Variants in AGAP3 observed in about 807,000 individuals in gnomAD.
The protein encoded by AGAP3 is ArfGAP with GTPase domain, ankyrin repeat and PH domain 3.
AGAP3 carries 24 observed loss-of-function variants against 96.9 expected under a neutral mutation model. The ratio of observed to expected loss-of-function variants is 0.25; its 90% CI spans 0.18 to 0.35. The LOEUF is 0.35. Among genes scored for constraint, AGAP3 ranks in the 10% least tolerant of loss-of-function variants. The pLI, the probability that AGAP3 is intolerant of heterozygous loss-of-function variation, is 1.00. For missense variants in AGAP3, 876 were observed against 1,254.2 expected, an observed-to-expected ratio of 0.70 and a Z score of 4.55; for synonymous variants, 563 against 536.1, an observed-to-expected ratio of 1.05 and a Z score of -0.69.
rs77511477 is a variant in AGAP3 at position 151,100,332 on chromosome 7, G to A, written c.331+13260G>A. Among the ~76,000 whole-genome samples, 430 of 152,310 alleles carry A rather than the reference G, an allele frequency of 2.8e-3. 19 individuals are homozygous for A. The East Asian group carries it at 0.072, about 26-fold the overall frequency. ...TGGCTTCCATGCCTGGGAGAGGCTT[G>A]GTGTGAGGTGCCACCTGAGCCTGCT... is the stretch of plus-strand genomic sequence containing the variant. On this transcript the variant is annotated intron_variant, in intron 1 of 17. Transcript: ENST00000397238.
At chr7:151,101,747 C>G (rs1365770106) in intron 1 of AGAP3, among the ~76,000 whole-genome samples, 2 of 152,088 alleles carry the variant, frequency 1.3e-5, no homozygotes, top group South Asian at 4.1e-4. Context: ...CAGGATAGGC[C>G]GAACCTCCCA....
In AGAP3 at chr7:151,139,172, G is replaced by GT. The variant is rs908405601; in HGVS notation, c.1667-806dup. 2.0e-4 allele frequency among the ~76,000 whole-genome samples: 30 copies of GT among 152,310 alleles called. No homozygotes were observed. The highest frequency in any genetic ancestry group is 7.2e-4 in the African/African-American group (30 of 41,566). ...TGCCCCACTGTCACCCCAGCCATGG[G>GT]TGCTCTCCCAGCTGATTGGCTTCCC... On this transcript the variant is annotated intron_variant, in intron 12 of 17. Transcript: ENST00000397238. This position sits in a 1 kb window ranked among gnomAD's most constrained non-coding sequence, Gnocchi z 4.9.
At chr7:151,105,206 C>T (rs1053668765) in intron 1 of AGAP3, among the ~76,000 whole-genome samples, 13 of 152,280 alleles carry the variant, frequency 8.5e-5, no homozygotes, top group African/African-American at 2.6e-4. Context: ...GAGGATTTTC[C>T]TCTCCTCATT....
At chr7:151,135,320 CTGCCCTGCTGG>C (rs1800551849) in intron 11 of AGAP3, among the ~76,000 whole-genome samples, 1 of 152,218 alleles carries the variant, frequency 6.6e-6, no homozygotes, top group South Asian at 2.1e-4. Context: ...CCAGTAACAG[CTGCCCTGCTGG>C]TGCCATTCCT....
At chr7:151,106,930 C>G (rs575325216) in intron 1 of AGAP3, among the ~76,000 whole-genome samples, 25 of 152,352 alleles carry the variant, frequency 1.6e-4, no homozygotes, top group African/African-American at 5.3e-4. Context: ...CCTGCACTTT[C>G]AGCAGCTGTT....
Position 151,117,088 on chromosome 7 carries a change from C to T in AGAP3, c.391-7C>T. 6.2e-7 allele frequency: 1 copy of T among 1,613,360 alleles called. No homozygotes were observed. Among genetic ancestry groups the T allele is most frequent in the Non-Finnish European group, 8.5e-7 (1 of 1,179,494 alleles). On this transcript the variant is annotated splice_polypyrimidine_tract_variant and splice_region_variant and intron_variant, in intron 2 of 17. Transcript: ENST00000397238. ...CTCTGACCCACTCACCCCTTCCTCT[C>T]CCGCAGGGCATAGTGGGGAACCTGT... is the stretch of plus-strand genomic sequence containing the variant.
Position 151,141,470 on chromosome 7 carries a change from C to T in AGAP3, c.1805-428C>T, listed in dbSNP as rs945988707. 16 of 177,578 alleles carry T rather than the reference C, an allele frequency of 9.0e-5. No individual in the cohort carries two copies. The highest frequency in any genetic ancestry group is 5.2e-4 in the Admixed American group (9 of 17,400). 11.0% of individuals were successfully genotyped at this position (177,578 alleles called of 1,614,324 possible). A position where few individuals can be genotyped will look rare whatever the true frequency, so the allele number is the denominator to read the frequency against. On this transcript the variant is annotated intron_variant, in intron 13 of 17. Coordinates refer to ENST00000397238, the MANE Select transcript of AGAP3 (RefSeq NM_031946.7). This position sits in a 1 kb window ranked among gnomAD's most constrained non-coding sequence, Gnocchi z 4.2. The stretch of plus-strand genomic sequence containing the variant: ...GGGTTTAATGAGCTGCAAAATGAGG[C>T]GGCTGCAGCTGACATGTACGGATGG...
At chr7:151,105,636 C>T (rs1005163599) in intron 1 of AGAP3, among the ~76,000 whole-genome samples, 2 of 151,556 alleles carry the variant, frequency 1.3e-5, no homozygotes, top group African/African-American at 2.4e-5. Context: ...ATAGCTGACA[C>T]ACACCTGTGC....
chr7:151,118,438 G>T lies in AGAP3; in HGVS notation c.842-67G>T. On this transcript the variant is annotated intron_variant, in intron 6 of 17. Transcript: ENST00000397238. This position sits in a 1 kb window ranked among gnomAD's most constrained non-coding sequence, Gnocchi z 6.1. The stretch of plus-strand genomic sequence containing the variant: ...GTGAGAGCAAGGCTGTGTGTCTGGG[G>T]GGAGGTGCTAAGCCAGGCTTTTCCC... The T allele has an allele frequency of 6.2e-7, 1 of 1,601,164 alleles. No individual in the cohort carries two copies. The highest frequency in any genetic ancestry group is 8.5e-7 in the Non-Finnish European group (1 of 1,169,802).
At chr7:151,091,169 C>T (rs1010070309) in intron 1 of AGAP3, among the ~76,000 whole-genome samples, 7 of 152,172 alleles carry the variant, frequency 4.6e-5, no homozygotes, top group East Asian at 1.9e-4. Context: ...CCCTGCATTC[C>T]GCCGTGGGCC....
rs201990368 is a variant in AGAP3 at position 151,128,600 on chromosome 7, C to T, written c.1242C>T (p.Ser414=). ...PIKQGILLKR[S]GKSLNKEWKK... The stretch of plus-strand genomic sequence containing the variant: ...CTCAGGGGATCCTGCTAAAGCGGAG[C>T]GGCAAGTCCCTGAACAAGGAGTGGA... The change falls in exon 10 of 18, where the codon AGC becomes AGT. Residue 414 remains serine, a synonymous_variant. Transcript: ENST00000397238. The T allele has an allele frequency of 3.6e-5, 58 of 1,613,696 alleles. No individual in the cohort carries two copies. Among genetic ancestry groups the T allele is most frequent in the Non-Finnish European group, 4.4e-5 (52 of 1,179,910 alleles).
chr7:151,113,750 A>G (rs1448190554), intron 1 of AGAP3, among the ~76,000 whole-genome samples: 1 of 152,164 alleles, frequency 6.6e-6, no homozygotes, highest in African/African-American at 2.4e-5. Context: ...GAGAGGACTG[A>G]TGTTTACAAT....
In AGAP3 at chr7:151,134,467, A is replaced by G. The variant is rs1800514987; in HGVS notation, c.1394A>G (p.Lys465Arg). Reference protein sequence around the residue: ...LLRTTVKVPGKRLPRATPATA... With the variant: ...LLRTTVKVPGRRLPRATPATA... ...CGGACAACGGTGAAAGTGCCAGGGA[A>G]GCGCCTGCCCCGAGCCACACCTGCC... is the stretch of plus-strand genomic sequence containing the variant. Residue 465 changes from lysine to arginine, a missense_variant, in exon 11 of 18, where the codon AAG becomes AGG. Lys to Arg is a conservative substitution (Grantham distance 26, BLOSUM62 2). Transcript: ENST00000397238. 4 of 1,613,008 alleles carry G rather than the reference A, an allele frequency of 2.5e-6. No homozygotes were observed. Among genetic ancestry groups the G allele is most frequent in the Non-Finnish European group, 3.4e-6 (4 of 1,179,980 alleles).
chr7:151,126,892 G>C (rs922614933), intron 9 of AGAP3, among the ~76,000 whole-genome samples: 4 of 152,244 alleles, frequency 2.6e-5, no homozygotes, highest in Non-Finnish European at 2.9e-5. Flanking sequence ...AGCAGGATGT[G>C]TCTGCACATG....
At position 151,086,935 on chromosome 7, in the gene AGAP3, A is replaced by G; in HGVS notation, c.194A>G (p.Asn65Ser). The G allele has an allele frequency of 1.2e-6, 2 of 1,608,132 alleles. No individual in the cohort carries two copies. The highest frequency in any genetic ancestry group is 1.7e-6 in the Non-Finnish European group (2 of 1,178,002). The change falls in exon 1 of 18, where the codon AAC becomes AGC. Residue 65 changes from asparagine (N) to serine (S), a missense_variant. Around this residue, in one of 8 missense-constraint regions of AGAP3, gnomAD observed 62 missense variants for 82.8 expected, o/e 0.75. Transcript: ENST00000397238. ...GGPPQQFALS[N>S]SAAIRAEIQR... ...CCCCCCCAGCAGTTCGCGCTCTCCA[A>G]CTCCGCGGCCATCCGGGCCGAGATC...
Position 151,114,724 on chromosome 7 carries a change from C to T in AGAP3, c.332-2069C>T, listed in dbSNP as rs1000088371. 9 of 1,005,828 alleles carry T rather than the reference C, an allele frequency of 8.9e-6. No homozygotes were observed. Among genetic ancestry groups the T allele is most frequent in the African/African-American group, 3.5e-5 (2 of 57,282 alleles). The allele number at this position is 1,005,828 out of a possible 1,614,324, so 62.3% of individuals were successfully genotyped here. Reference sequence around the variant, plus strand: ...GCCGCGGCCCCGGCCCGGGCCCAGCCCCGTGCCCCTCGCCATGGGCCTGGC... The same window carrying T: ...GCCGCGGCCCCGGCCCGGGCCCAGCTCCGTGCCCCTCGCCATGGGCCTGGC... On this transcript the variant is annotated intron_variant, in intron 1 of 17. Coordinates refer to ENST00000397238, the MANE Select transcript of AGAP3 (RefSeq NM_031946.7). This position sits in a 1 kb window ranked among gnomAD's most constrained non-coding sequence, Gnocchi z 4.4.
intron 1 of AGAP3, 121 bp downstream of exon 1, chr7:151,087,193 C>T (rs1488403318): frequency 5.5e-6 from 6 of 1,083,932 alleles, no homozygotes; most frequent in Non-Finnish European, 8.1e-6. Flanking sequence ...CGCTTGAGGA[C>T]CAGGCCACGA....
chr7:151,136,048 G>C (rs1800580171), intron 11 of AGAP3, among the ~76,000 whole-genome samples: 1 of 152,354 alleles, frequency 6.6e-6, no homozygotes, highest in African/African-American at 2.4e-5. Flanking sequence ...CCTGCCGTGG[G>C]GTTGTACTGG....
chr7:151,121,037 G>A (rs554473577), intron 8 of AGAP3: 8 of 191,444 alleles, frequency 4.2e-5, no homozygotes, highest in African/African-American at 1.2e-4. Context: ...GCCTCTTTCC[G>A]AGAGCAGGGC....
Sources: allele counts gnomAD v4.1 joint callset (sites outside exome capture counted in the v4.1 genomes callset), GRCh38; gene constraint gnomAD v4.1.1; regional missense constraint gnomAD v4.1.1; non-coding constraint Gnocchi (gnomAD v3.1); transcripts MANE v1.5; gene names NCBI Gene and HGNC (gene_info 2026-07-23, HGNC 2026-07-21).